Variants in POLR1A observed in about 807,000 individuals in gnomAD.
POLR1A encodes the protein RNA polymerase I subunit A, also known as DNA-directed RNA polymerase I subunit RPA1.
In POLR1A, 84 loss-of-function variants were observed where a neutral mutation model predicts 205.3. The ratio of observed to expected loss-of-function variants is 0.41; its 90% CI spans 0.34 to 0.49. The LOEUF (loss-of-function observed/expected upper bound fraction) is 0.49, where lower values mean the gene tolerates loss of function less well. Ranked by LOEUF, POLR1A falls within the 20% of genes least tolerant of loss-of-function variation. POLR1A has a pLI of 0.22. For synonymous variants in POLR1A, 799 were observed against 863.7 expected, an observed-to-expected ratio of 0.93 and a Z score of 1.31; for missense variants, 1,645 against 2,204.5, an observed-to-expected ratio of 0.75 and a Z score of 5.08.
chr2:86,100,063 C>A lies in POLR1A; in HGVS notation c.187G>T (p.Val63Leu), dbSNP rs1485786347. ...LALGPADSKEVCSTCVQDFSN... is the reference protein window; with the variant it reads ...LALGPADSKELCSTCVQDFSN... The stretch of plus-strand genomic sequence containing the variant: ...AAGTCCTGCACGCAGGTGGAGCACA[C>A]CTCTTTGGAATCTGCAGGGCCCAAA... Residue 63 changes from valine (V) to leucine (L), a missense_variant, in exon 2 of 34, where the codon GTG (valine) becomes TTG (leucine). By Grantham distance (32) the Val-to-Leu change is conservative. Transcript: ENST00000263857. 1.2e-6 allele frequency: 2 copies of A among 1,614,208 alleles called. No individual in the cohort carries two copies. The highest frequency in any genetic ancestry group is 2.2e-5 in the East Asian group (1 of 44,880).
chr2:86,058,065 T>C (rs956435134), intron 14 of POLR1A, among the ~76,000 whole-genome samples: 4 of 152,102 alleles, frequency 2.6e-5, no homozygotes, highest in African/African-American at 9.7e-5. Flanking sequence ...TGTGCCACCA[T>C]GCCCAGCTAC....
At position 86,088,636 on chromosome 2, in the gene POLR1A, G is replaced by A; in HGVS notation, c.660C>T (p.Asn220=). 1 of 1,614,070 alleles carries A rather than the reference G, an allele frequency of 6.2e-7. No homozygotes were observed. Among genetic ancestry groups the A allele is most frequent in the Non-Finnish European group, 8.5e-7 (1 of 1,179,892 alleles). Residue 220 remains asparagine (N), a synonymous_variant, in exon 6 of 34, where the codon AAC becomes AAT. Coordinates refer to ENST00000263857, the MANE Select transcript of POLR1A (RefSeq NM_015425.6). Reference sequence around the variant, plus strand: ...CTGGAAACGTGATAGTCAACTTGCTGTTGTGTTCCTTTCGGACAACGGATC... The same window carrying A: ...CTGGAAACGTGATAGTCAACTTGCTATTGTGTTCCTTTCGGACAACGGATC... The part of the protein sequence containing the change: ...TGRSVVRKEH[N]SKLTITFPAM...
In POLR1A at chr2:86,099,999, G is replaced by T; in HGVS notation, c.251C>A (p.Pro84Gln). The T allele has an allele frequency of 6.2e-7, 1 of 1,614,060 alleles. No homozygotes were observed. The highest frequency in any genetic ancestry group is 1.1e-5 in the South Asian group (1 of 91,078). Residue 84 changes from proline to glutamine, a missense_variant, in exon 2 of 34, where the codon CCA becomes CAA. Pro to Gln is a moderately conservative substitution (Grantham distance 76, BLOSUM62 -1). Transcript: ENST00000263857. The stretch of plus-strand genomic sequence containing the variant: ...GAGGAGAGGGTTATACACTGTGAGT[G>T]GGAGCTCAATGTGGCCCAGGTGCCC... ...CSGHLGHIEL[P>Q]LTVYNPLLFD...
At chr2:86,068,388 G>GGGGC (rs1553436039) in intron 13 of POLR1A, among the ~76,000 whole-genome samples, 2 of 116,960 alleles carry the variant, frequency 1.7e-5, no homozygotes, top group African/African-American at 6.7e-5. Context: ...CACATGGGCG[G>GGGGC]GGGGGGGGGG....
At chr2:86,104,377 T>C (rs1363538434) in intron 1 of POLR1A, among the ~76,000 whole-genome samples, 1 of 151,820 alleles carries the variant, frequency 6.6e-6, no homozygotes, top group Non-Finnish European at 1.5e-5. Flanking sequence ...TTCTAGTGAC[T>C]ATTTTGCACT....
intron 5 of POLR1A, 40 bp downstream of exon 5, chr2:86,088,745 C>T: frequency 6.3e-7 from 1 of 1,596,254 alleles, no homozygotes; most frequent in Non-Finnish European, 8.6e-7. Context: ...GAGTGACTGC[C>T]CAGAGACGTC....
At chr2:86,030,067 TG>T in intron 31 of POLR1A, 128 bp downstream of exon 31, 1 of 740,492 alleles carries the variant, frequency 1.4e-6, no homozygotes, top group Admixed American at 2.2e-5. Flanking sequence ...GAATGTGGCC[TG>T]GAAGCACAAA....
At chr2:86,032,164 G>T in intron 29 of POLR1A, 108 bp downstream of exon 29, 2 of 769,340 alleles carry the variant, frequency 2.6e-6, no homozygotes, top group East Asian at 2.5e-5. Flanking sequence ...GGTTCCTTGT[G>T]GGTTCATGAC....
intron 33 of POLR1A, 40 bp downstream of exon 33, chr2:86,027,845 T>A: frequency 6.2e-7 from 1 of 1,610,032 alleles, no homozygotes; most frequent in Non-Finnish European, 8.5e-7. Context: ...CCCAGAGTCG[T>A]CAGTAGAGGG....
chr2:86,061,879 AT>A (rs1673003124), intron 14 of POLR1A, among the ~76,000 whole-genome samples: 2 of 152,126 alleles, frequency 1.3e-5, no homozygotes, highest in Non-Finnish European at 2.9e-5. Flanking sequence ...GGTGCTGGTG[AT>A]ATGCTACTTT....
At chr2:86,041,830 G>A (rs1035166958) in intron 24 of POLR1A, 59 bp downstream of exon 24, 261 of 1,434,258 alleles carry the variant, frequency 1.8e-4, no homozygotes, top group Non-Finnish European at 2.3e-4. Flanking sequence ...GGGGCTAGGA[G>A]GCAGGGGCTA....
At chr2:86,067,326 G>A (rs1673098305) in intron 13 of POLR1A, among the ~76,000 whole-genome samples, 1 of 152,080 alleles carries the variant, frequency 6.6e-6, no homozygotes, top group Non-Finnish European at 1.5e-5. Flanking sequence ...TTGTGAATAG[G>A]GTATCCCTGT....
Position 86,048,914 on chromosome 2 carries a change from T to C in POLR1A, c.2604A>G (p.Glu868=), listed in dbSNP as rs1297192344. Residue 868 remains glutamate (E), a synonymous_variant, in exon 18 of 34, where the codon GAA becomes GAG. Coordinates refer to ENST00000263857, the MANE Select transcript of POLR1A (RefSeq NM_015425.6). ...TAATCTCATTGCTGTAATGGTTCAC[T>C]TCCTCCTTGAACTTCAGATCAATCA... ...FNMIDLKFKE[E]VNHYSNEINK... 6.2e-7 allele frequency: 1 copy of C among 1,614,198 alleles called. No individual in the cohort carries two copies. Among genetic ancestry groups the C allele is most frequent in the Admixed American group, 1.7e-5 (1 of 60,036 alleles).
intron 27 of POLR1A, among the ~76,000 whole-genome samples, chr2:86,035,843 T>A (rs905485224): frequency 1.3e-5 from 2 of 152,180 alleles, no homozygotes; most frequent in Admixed American, 1.3e-4. Flanking sequence ...CTTCCCTGCC[T>A]CTTTTGGTGA....
rs201757205 is a variant in POLR1A at position 86,041,935 on chromosome 2, C to A, written c.3526G>T (p.Ala1176Ser). 453 of 1,614,086 alleles carry A rather than the reference C, an allele frequency of 2.8e-4. No individual in the cohort carries two copies. Among genetic ancestry groups the A allele is most frequent in the Non-Finnish European group, 3.6e-4 (427 of 1,180,024 alleles). The change falls in exon 24 of 34, where the codon GCT becomes TCT. Residue 1176 changes from alanine to serine, a missense_variant. Around this residue, in one of 16 missense-constraint regions of POLR1A, gnomAD observed 201 missense variants for 222.3 expected, o/e 0.90. Transcript: ENST00000263857. The part of the protein sequence containing the change: ...KVDDYSQEWA[A>S]QTEKSYEKSE... ...TTCTCATAACTCTTCTCTGTTTGAG[C>A]TGCCCACTCTTGACTGTAGTCATCA...
intron 13 of POLR1A, among the ~76,000 whole-genome samples, chr2:86,068,180 C>G (rs942684788): frequency 6.6e-6 from 1 of 152,138 alleles, no homozygotes; most frequent in Non-Finnish European, 1.5e-5. Context: ...CCTCAACTCC[C>G]CACATAGCTA....
At chr2:86,095,630 A>C (rs964382214) in intron 3 of POLR1A, among the ~76,000 whole-genome samples, 3 of 152,200 alleles carry the variant, frequency 2.0e-5, no homozygotes, top group African/African-American at 7.2e-5. Flanking sequence ...ACTTTATCCA[A>C]AAGTAACCAG....
intron 24 of POLR1A, among the ~76,000 whole-genome samples, chr2:86,041,364 T>TGTGC (rs540635517): frequency 1.4e-5 from 2 of 145,858 alleles, no homozygotes; most frequent in African/African-American, 5.2e-5. Context: ...TGTGTGTGTG[T>TGTGC]GCGCGCGCGC....
In POLR1A at chr2:86,054,259, G is replaced by T; in HGVS notation, c.2089C>A (p.Pro697Thr). 6.2e-7 allele frequency: 1 copy of T among 1,613,970 alleles called. No homozygotes were observed. The highest frequency in any genetic ancestry group is 8.5e-7 in the Non-Finnish European group (1 of 1,179,918). Residue 697 changes from proline (P) to threonine (T), a missense_variant, in exon 15 of 34, where the codon CCA becomes ACA. By Grantham distance (38) the Pro-to-Thr change is conservative. This residue lies in a region of POLR1A where 339 missense variants were observed against 415.1 expected (regional missense o/e 0.82). Coordinates refer to ENST00000263857, the MANE Select transcript of POLR1A (RefSeq NM_015425.6). ...VVSTLLINII[P>T]EDHIPLNLSG... is the part of the protein sequence containing the mutation. Reference sequence around the variant, plus strand: ...AAGTTCAGTGGGATGTGGTCCTCTGGGATTATATTTATGAGCAGCGTTGAC... The same window carrying T: ...AAGTTCAGTGGGATGTGGTCCTCTGTGATTATATTTATGAGCAGCGTTGAC...
Sources: allele counts gnomAD v4.1 joint callset (sites outside exome capture counted in the v4.1 genomes callset), GRCh38; gene constraint gnomAD v4.1.1; regional missense constraint gnomAD v4.1.1; transcripts MANE v1.5; gene names NCBI Gene and HGNC (gene_info 2026-07-23, HGNC 2026-07-21).